Variants in VTI1A observed in about 807,000 individuals in gnomAD.
VTI1A encodes vesicle transport through interaction with t-SNAREs 1A.
VTI1A carries 22 observed loss-of-function variants against 34.9 expected under a neutral mutation model. The ratio of observed to expected loss-of-function variants is 0.63; its 90% confidence interval spans 0.45 to 0.90. The LOEUF (loss-of-function observed/expected upper bound fraction) is 0.90, where lower values mean the gene tolerates loss of function less well. Among genes scored for constraint, VTI1A ranks in the 40% least tolerant of loss-of-function variants. The pLI is 0.00. For missense variants in VTI1A, 268 were observed against 275.6 expected (o/e 0.97, Z 0.20); for synonymous variants, 87 against 97.3 (o/e 0.89, Z 0.62).
the VTI1A span, chr10:112,831,757 G>C: frequency 6.6e-6 from 1 of 152,154 alleles, no homozygotes; most frequent in Non-Finnish European, 1.5e-5. Flanking sequence ...AGACAGCTCA[G>C]GAGATTTCAT....
chr10:112,849,383 A>G, the VTI1A span, among the ~76,000 whole-genome samples: 1 of 152,150 alleles, frequency 6.6e-6, no homozygotes, highest in African/African-American at 2.4e-5. Flanking sequence ...CAAGTCCTGA[A>G]ACCCCATTTG....
intron 3 of VTI1A, among the ~76,000 whole-genome samples, chr10:112,486,034 A>G (rs1392997474): frequency 6.6e-6 from 1 of 152,234 alleles, no homozygotes; most frequent in East Asian, 1.9e-4. Context: ...TGGGTTAATA[A>G]GTGAGCCTAA....
At chr10:112,729,610 A>C (rs114012215) in intron 7 of VTI1A, among the ~76,000 whole-genome samples, 2,778 of 152,300 alleles carry the variant, frequency 0.018, 88 homozygotes, top group African/African-American at 0.063. Context: ...GAAATATACA[A>C]CAGAAGTAAC....
chr10:112,842,269 T>G, the VTI1A span, among the ~76,000 whole-genome samples: 2 of 152,226 alleles, frequency 1.3e-5, no homozygotes, highest in African/African-American at 4.8e-5. Context: ...CATATTCTCA[T>G]GCTTTCATGA....
intron 7 of VTI1A, among the ~76,000 whole-genome samples, chr10:112,787,847 A>G (rs6585189): frequency 0.79 from 118,694 of 150,278 alleles, 47,180 homozygotes; most frequent in East Asian, 0.94. Flanking sequence ...GATTACAGTC[A>G]CATGACACCA....
At chr10:112,756,720 C>T (rs1036307325) in intron 7 of VTI1A, among the ~76,000 whole-genome samples, 1 of 152,058 alleles carries the variant, frequency 6.6e-6, no homozygotes, top group Non-Finnish European at 1.5e-5. Context: ...AGATATCCAG[C>T]AATAAAAGGC....
At chr10:112,496,464 G>T (rs540893704) in intron 3 of VTI1A, among the ~76,000 whole-genome samples, 19 of 152,104 alleles carry the variant, frequency 1.2e-4, no homozygotes, top group African/African-American at 4.6e-4. Flanking sequence ...CCAGCTTCTC[G>T]GGAGGCTGAG....
chr10:112,485,206 C>G (rs971714489), intron 3 of VTI1A: 11 of 151,766 alleles, frequency 7.2e-5, no homozygotes, highest in African/African-American at 2.7e-4. Context: ...TGCATGAACC[C>G]GGGAGGTGGA....
At chr10:112,460,727 A>AC in intron 2 of VTI1A, 145 bp downstream of exon 2, 2 of 589,704 alleles carry the variant, frequency 3.4e-6, no homozygotes, top group Non-Finnish European at 5.4e-6. Context: ...TTTTAAATTG[A>AC]AGAGATTTTA....
At chr10:112,823,565 T>A (rs1393587883), downstream of VTI1A, 1 of 152,110 alleles carries the variant, frequency 6.6e-6, no homozygotes, top group Non-Finnish European at 1.5e-5. Context: ...AAAATAGAAG[T>A]AGAATCCAGA....
chr10:112,618,508 T>TAGAGAGAGAGAGAGAGAGAG (rs1360598727), intron 5 of VTI1A, among the ~76,000 whole-genome samples: 1 of 31,304 alleles, frequency 3.2e-5, no homozygotes, highest in Non-Finnish European at 6.0e-5. Flanking sequence ...TATATATATA[T>TAGAGAGAGAGAGAGAGAGAG]ATATATATAT....
chr10:112,720,956 T>G (rs889677352), intron 7 of VTI1A, among the ~76,000 whole-genome samples: 3 of 151,666 alleles, frequency 2.0e-5, no homozygotes, highest in Admixed American at 1.3e-4. Flanking sequence ...TCTCACTGAT[T>G]TAAAAAAAAA....
intron 7 of VTI1A, among the ~76,000 whole-genome samples, chr10:112,803,544 G>A (rs752616028): frequency 2.6e-5 from 4 of 152,200 alleles, no homozygotes; most frequent in Admixed American, 6.5e-5. Context: ...TGGCTGTGCC[G>A]CAGATGGCTG....
At chr10:112,550,569 C>T (rs1184720783) in intron 5 of VTI1A, among the ~76,000 whole-genome samples, 1 of 151,964 alleles carries the variant, frequency 6.6e-6, no homozygotes, top group Non-Finnish European at 1.5e-5. Flanking sequence ...ACAGTGTTTT[C>T]CAGCGTTGCC....
chr10:112,782,405 C>T (rs1590179723), intron 7 of VTI1A, among the ~76,000 whole-genome samples: 2 of 152,272 alleles, frequency 1.3e-5, no homozygotes, highest in South Asian at 2.1e-4. Context: ...GCGTCTTTTT[C>T]GGCGTGGAAG....
intron 5 of VTI1A, among the ~76,000 whole-genome samples, chr10:112,586,749 A>G (rs978835763): frequency 1.6e-4 from 25 of 152,302 alleles, no homozygotes; most frequent in African/African-American, 5.8e-4. Context: ...AGTTACTCTC[A>G]TAGCCATGGT....
chr10:112,562,906 G>A (rs138245957), intron 5 of VTI1A, among the ~76,000 whole-genome samples: 58 of 152,148 alleles, frequency 3.8e-4, no homozygotes, highest in Non-Finnish European at 7.6e-4. Flanking sequence ...AAACAGAAAC[G>A]ATGTCACCAT....
intron 3 of VTI1A, among the ~76,000 whole-genome samples, chr10:112,507,495 T>C (rs1002513414): frequency 6.6e-6 from 1 of 152,184 alleles, no homozygotes; most frequent in Non-Finnish European, 1.5e-5. Context: ...CCACTCTAAC[T>C]TTTGGTGGCT....
intron 5 of VTI1A, among the ~76,000 whole-genome samples, chr10:112,620,204 G>A (rs898530052): frequency 2.6e-5 from 4 of 151,772 alleles, no homozygotes; most frequent in African/African-American, 9.7e-5. Flanking sequence ...AAATCTCTTT[G>A]GGGTATTATT....
Sources: gnomAD v4.1 joint callset for allele counts (sites outside exome capture counted in the v4.1 genomes callset) on GRCh38, gnomAD v4.1.1 for gene constraint, MANE v1.5 for transcripts, NCBI Gene and HGNC (gene_info 2026-07-23, HGNC 2026-07-21) for gene names.